PHACTR4: variants seen among roughly 807,000 people sequenced by gnomAD.
PHACTR4 encodes the protein phosphatase and actin regulator 4.
A neutral mutation model predicts 72.7 loss-of-function variants in PHACTR4; 51 were observed. The ratio of observed to expected loss-of-function variants is 0.70; its 90% confidence interval spans 0.56 to 0.89. The LOEUF (loss-of-function observed/expected upper bound fraction) is 0.89, where lower values mean the gene tolerates loss of function less well. PHACTR4 is among the 40% of genes least tolerant of loss of function. PHACTR4 has a pLI of 0.00. For missense variants in PHACTR4, 731 were observed against 861.8 expected, an observed-to-expected ratio of 0.85 and a Z score of 1.90; for synonymous variants, 255 against 302.5, an observed-to-expected ratio of 0.84 and a Z score of 1.63.
At chr1:28,487,802 C>T (rs1371598240) in intron 9 of PHACTR4, among the ~76,000 whole-genome samples, 1 of 124,516 alleles carries the variant, frequency 8.0e-6, no homozygotes, top group African/African-American at 3.2e-5. Flanking sequence ...GTAGCATGAG[C>T]TTCAGCTCAC....
chr1:28,372,795 C>A (rs1220093878), intron 1 of PHACTR4, among the ~76,000 whole-genome samples: 1 of 149,314 alleles, frequency 6.7e-6, no homozygotes. Context: ...GAGGTTACAG[C>A]GAGCTGAGAT....
chr1:28,384,073 T>C (rs1461270641), intron 1 of PHACTR4, among the ~76,000 whole-genome samples: 1 of 152,192 alleles, frequency 6.6e-6, no homozygotes, highest in Non-Finnish European at 1.5e-5. Context: ...CAGTATTTTG[T>C]TGAGGATTTT....
chr1:28,380,978 C>T (rs927432682), intron 1 of PHACTR4, among the ~76,000 whole-genome samples: 1 of 151,504 alleles, frequency 6.6e-6, no homozygotes, highest in Admixed American at 6.6e-5. Flanking sequence ...ATTTCTTTTT[C>T]TCCACAATCT....
chr1:28,466,490 G>C lies in PHACTR4; in HGVS notation c.545G>C (p.Ser182Thr). 1.9e-6 allele frequency: 3 copies of C among 1,614,122 alleles called. No individual in the cohort carries two copies. Among genetic ancestry groups the C allele is most frequent in the Non-Finnish European group, 2.5e-6 (3 of 1,180,026 alleles). Reference sequence around the variant, plus strand: ...CCCTTGTCCTCTTCTCATGAAGCAAGTGAAGGGCAAGCAAAGGATGCCACT... The same window carrying C: ...CCCTTGTCCTCTTCTCATGAAGCAACTGAAGGGCAAGCAAAGGATGCCACT... ...KRPLSSSHEA[S>T]EGQAKDATSS... Residue 182 changes from serine (S) to threonine (T), a missense_variant, in exon 6 of 14, where the codon AGT becomes ACT. Transcript: ENST00000373839.
At chr1:28,445,254 TATTTA>T (rs1229551208) in intron 2 of PHACTR4, among the ~76,000 whole-genome samples, 2 of 152,012 alleles carry the variant, frequency 1.3e-5, no homozygotes, top group African/African-American at 2.4e-5. Flanking sequence ...CACCTGGCCA[TATTTA>T]ATTATTCTTT....
chr1:28,484,735 A>G (rs1660522518), intron 9 of PHACTR4, among the ~76,000 whole-genome samples: 1 of 151,712 alleles, frequency 6.6e-6, no homozygotes, highest in Non-Finnish European at 1.5e-5. Context: ...TGGGAGGCCG[A>G]GGCGGGTGGA....
intron 2 of PHACTR4, among the ~76,000 whole-genome samples, chr1:28,442,382 T>G (rs1374695574): frequency 2.0e-5 from 3 of 150,162 alleles, no homozygotes; most frequent in Admixed American, 6.6e-5. Flanking sequence ...GAGAATCGCT[T>G]GAAACAAGGA....
chr1:28,466,769 G>A lies in PHACTR4; in HGVS notation c.823+1G>A. The A allele has an allele frequency of 6.2e-7, 1 of 1,607,330 alleles. No homozygotes were observed. The highest frequency in any genetic ancestry group is 8.5e-7 in the Non-Finnish European group (1 of 1,175,674). ...CACAGAAATAGCAACCCTGTCATTG[G>A]TAAGTAAGTCTTTAGGCTTCCAGTG... is the stretch of plus-strand genomic sequence containing the variant. On this transcript the variant is annotated splice_donor_variant, in intron 6 of 13. Coordinates refer to ENST00000373839, the MANE Select transcript of PHACTR4 (RefSeq NM_001048183.3). LOFTEE classifies it high-confidence loss of function.
At chr1:28,436,864 C>T (rs1656668836) in intron 2 of PHACTR4, among the ~76,000 whole-genome samples, 1 of 152,150 alleles carries the variant, frequency 6.6e-6, no homozygotes, top group Non-Finnish European at 1.5e-5. Flanking sequence ...ATGTATTATG[C>T]CCAGCATGTA....
chr1:28,452,413 G>A (rs1465078145), intron 2 of PHACTR4, among the ~76,000 whole-genome samples: 2 of 152,192 alleles, frequency 1.3e-5, no homozygotes, highest in Admixed American at 6.5e-5. Context: ...AGCTGAGGTG[G>A]GAGGATCACT....
intron 1 of PHACTR4, among the ~76,000 whole-genome samples, chr1:28,373,538 C>T (rs1651410437): frequency 6.6e-6 from 1 of 152,138 alleles, no homozygotes; most frequent in African/African-American, 2.4e-5. Flanking sequence ...GATCCGCCCA[C>T]CTCAGCCTCC....
At chr1:28,419,739 G>A (rs1214677151) in intron 2 of PHACTR4, among the ~76,000 whole-genome samples, 1 of 152,036 alleles carries the variant, frequency 6.6e-6, no homozygotes, top group Non-Finnish European at 1.5e-5. Context: ...CTAGGAATAG[G>A]ATAATGTATT....
rs147536347 is a variant in PHACTR4, at chr1:28,407,917, G to A, written c.16+454G>A. 1.2e-3 allele frequency among the ~76,000 whole-genome samples: 190 copies of A among 152,172 alleles called. 1 individual carries two copies. Among genetic ancestry groups the A allele is most frequent in the African/African-American group, 1.7e-3 (70 of 41,526 alleles). Reference sequence around the variant, plus strand: ...GCAGATCACTTGAGGCTAGGAGTTCGAGACCAGCCTGGCCAACATGACAAA... The same window carrying A: ...GCAGATCACTTGAGGCTAGGAGTTCAAGACCAGCCTGGCCAACATGACAAA... On this transcript the variant is annotated intron_variant, in intron 2 of 13. Coordinates refer to ENST00000373839, the MANE Select transcript of PHACTR4 (RefSeq NM_001048183.3).
At chr1:28,489,029 A>C in intron 9 of PHACTR4, 141 bp from the exon 10 acceptor site, 1 of 562,836 alleles carries the variant, frequency 1.8e-6, no homozygotes, top group Non-Finnish European at 3.1e-6. Flanking sequence ...AAACAATCAT[A>C]AATAAATGAA....
chr1:28,427,434 G>C (rs1193624287), intron 2 of PHACTR4, among the ~76,000 whole-genome samples: 1 of 152,282 alleles, frequency 6.6e-6, no homozygotes, highest in East Asian at 1.9e-4. Context: ...CCTGAGGCAG[G>C]AGAATCACTT....
chr1:28,492,124 T>A (rs1347784457), intron 12 of PHACTR4, among the ~76,000 whole-genome samples: 1 of 152,184 alleles, frequency 6.6e-6, no homozygotes, highest in Admixed American at 6.6e-5. Flanking sequence ...AATATTTCAT[T>A]TTTATAATGC....
Position 28,409,650 on chromosome 1 carries a change from A to G in PHACTR4, c.16+2187A>G, listed in dbSNP as rs534365797. Among the ~76,000 whole-genome samples, 4 of 152,330 alleles carry G rather than the reference A, an allele frequency of 2.6e-5. No individual in the cohort carries two copies. In the South Asian group the frequency reaches 8.3e-4, roughly 32 times the overall value. ...TTATGCCAGTGCAGCTTGAGGAAGTATAGTAAAAATACTACTATATAATAC... is the reference window on the plus strand; with the variant it reads ...TTATGCCAGTGCAGCTTGAGGAAGTGTAGTAAAAATACTACTATATAATAC... On this transcript the variant is annotated intron_variant, in intron 2 of 13. Coordinates refer to ENST00000373839, the MANE Select transcript of PHACTR4 (RefSeq NM_001048183.3).
At chr1:28,439,402 T>C (rs61783846) in intron 2 of PHACTR4, among the ~76,000 whole-genome samples, 42,700 of 151,902 alleles carry the variant, frequency 0.28, 6,170 homozygotes, top group Middle Eastern at 0.34. Flanking sequence ...GAGATTTTGT[T>C]TCTAAAGGTA....
chr1:28,496,776 T>G lies in PHACTR4; in HGVS notation c.*227T>G. The G allele has an allele frequency of 1.7e-6, 1 of 578,754 alleles. No individual in the cohort carries two copies. Among genetic ancestry groups the G allele is most frequent in the Non-Finnish European group, 3.1e-6 (1 of 324,886 alleles). 35.9% of individuals were successfully genotyped at this position (578,754 alleles called of 1,614,324 possible). On this transcript the variant is annotated 3_prime_UTR_variant, in exon 14 of 14. Coordinates refer to ENST00000373839, the MANE Select transcript of PHACTR4 (RefSeq NM_001048183.3). ...AGTGCTTTTGAACCTTTCAATATTG[T>G]AGCATGCTTGAGGAGTTTTTCCCTT...
Sources: allele counts gnomAD v4.1 joint callset (sites outside exome capture counted in the v4.1 genomes callset), GRCh38; gene constraint gnomAD v4.1.1; transcripts MANE v1.5; gene names NCBI Gene and HGNC (gene_info 2026-07-23, HGNC 2026-07-21).